ENTREP2: variants seen among roughly 807,000 people sequenced by gnomAD.
The protein encoded by ENTREP2 is protein ENTREP2.
chr15:29,235,934 G>C, the ENTREP2 span, among the ~76,000 whole-genome samples: 1 of 151,880 alleles, frequency 6.6e-6, no homozygotes, highest in African/African-American at 2.4e-5. Context: ...CTGCACTCCA[G>C]CCTGGGCGAC....
chr15:29,371,349 AACACAC>A, the ENTREP2 span, among the ~76,000 whole-genome samples: 140 of 133,978 alleles, frequency 1.0e-3, 2 homozygotes, highest in African/African-American at 2.7e-3. Flanking sequence ...CACCCCCGCA[AACACAC>A]ACACACACAC....
chr15:29,626,204 T>C, the ENTREP2 span, among the ~76,000 whole-genome samples: 8 of 152,332 alleles, frequency 5.3e-5, no homozygotes, highest in African/African-American at 1.4e-4. Flanking sequence ...TATACTCACT[T>C]AGCTCTAGGA....
chr15:29,323,339 G>A, the ENTREP2 span, among the ~76,000 whole-genome samples: 2 of 152,086 alleles, frequency 1.3e-5, no homozygotes, highest in East Asian at 1.9e-4. Context: ...ATGAAGCCTC[G>A]ATAAAAACCC....
chr15:29,374,372 T>G, the ENTREP2 span: 1 of 152,152 alleles, frequency 6.6e-6, no homozygotes, highest in Admixed American at 6.5e-5. Flanking sequence ...GTTTTTGGTT[T>G]TATTTTGTGG....
chr15:29,278,009 TATAC>T, the ENTREP2 span, among the ~76,000 whole-genome samples: 2,888 of 152,194 alleles, frequency 0.019, 119 homozygotes, highest in African/African-American at 0.066. Flanking sequence ...AGACCCCATG[TATAC>T]ATAACTGGTG....
At chr15:29,633,789 T>G in the ENTREP2 span, among the ~76,000 whole-genome samples, 2 of 151,978 alleles carry the variant, frequency 1.3e-5, no homozygotes, top group African/African-American at 4.8e-5. Context: ...GGTGAAACTG[T>G]CTCTACTAAA....
the ENTREP2 span, among the ~76,000 whole-genome samples, chr15:29,131,752 CAG>C: frequency 1.4e-4 from 19 of 140,710 alleles, no homozygotes; most frequent in Non-Finnish European, 2.8e-4. Flanking sequence ...AGTGCCACGA[CAG>C]GGGGATTCTG....
At chr15:29,253,042 T>C in the ENTREP2 span, among the ~76,000 whole-genome samples, 1 of 152,238 alleles carries the variant, frequency 6.6e-6, no homozygotes, top group Admixed American at 6.5e-5. Flanking sequence ...CCTTAAATCT[T>C]TCTAAAGGAA....
At chr15:29,630,507 G>A in the ENTREP2 span, among the ~76,000 whole-genome samples, 1 of 152,108 alleles carries the variant, frequency 6.6e-6, no homozygotes, top group Non-Finnish European at 1.5e-5. Flanking sequence ...TTGAATCTAA[G>A]TTTATGCCTT....
At chr15:29,218,335 C>CGGGGTATGAAG in the ENTREP2 span, among the ~76,000 whole-genome samples, 1 of 152,138 alleles carries the variant, frequency 6.6e-6, no homozygotes, top group African/African-American at 2.4e-5. Context: ...CCTTTGTCTT[C>CGGGGTATGAAG]ATACCCCACG....
At chr15:29,423,921 GA>G in the ENTREP2 span, among the ~76,000 whole-genome samples, 5 of 152,016 alleles carry the variant, frequency 3.3e-5, no homozygotes, top group Admixed American at 6.6e-5. Context: ...ATCTCAATGG[GA>G]AAAAAAATGA....
At chr15:29,138,631 A>T in the ENTREP2 span, among the ~76,000 whole-genome samples, 1 of 150,436 alleles carries the variant, frequency 6.6e-6, no homozygotes. Context: ...GTGTATGTGC[A>T]TGTGTATATG....
At chr15:29,618,619 A>G in the ENTREP2 span, among the ~76,000 whole-genome samples, 2 of 152,152 alleles carry the variant, frequency 1.3e-5, no homozygotes, top group Non-Finnish European at 2.9e-5. Context: ...AATTACAGAC[A>G]TGTCCTAGGT....
At chr15:29,570,495 G>A in the ENTREP2 span, 1 of 1,325,900 alleles carries the variant, frequency 7.5e-7, no homozygotes, top group Non-Finnish European at 9.7e-7. Context: ...GCCTGGTCGC[G>A]GACACTCACC....
chr15:29,318,217 G>C, the ENTREP2 span, among the ~76,000 whole-genome samples: 2 of 152,326 alleles, frequency 1.3e-5, no homozygotes, highest in South Asian at 4.1e-4. Context: ...CAAGGTGCAA[G>C]TCTATCAGCA....
chr15:29,533,467 A>G, the ENTREP2 span, among the ~76,000 whole-genome samples: 1 of 152,210 alleles, frequency 6.6e-6, no homozygotes, highest in African/African-American at 2.4e-5. Context: ...ACTCGGGGAT[A>G]AGAAATACCT....
chr15:29,512,749 A>G, the ENTREP2 span, among the ~76,000 whole-genome samples: 1 of 152,194 alleles, frequency 6.6e-6, no homozygotes, highest in Non-Finnish European at 1.5e-5. Context: ...GTGAGAAATA[A>G]ATGTCTACTG....
At chr15:29,156,859 G>A in the ENTREP2 span, among the ~76,000 whole-genome samples, 2 of 152,078 alleles carry the variant, frequency 1.3e-5, no homozygotes, top group African/African-American at 4.8e-5. Context: ...AGTGGCTCAT[G>A]CGAGGCGGGA....
chr15:29,118,630 A>C, the ENTREP2 span, among the ~76,000 whole-genome samples: 1 of 152,192 alleles, frequency 6.6e-6, no homozygotes, highest in Non-Finnish European at 1.5e-5. Context: ...CACTAATGGA[A>C]TGAGGGAGCC....
Sources: allele counts gnomAD v4.1 joint callset (sites outside exome capture counted in the v4.1 genomes callset), GRCh38; gene constraint gnomAD v4.1.1; transcripts MANE v1.5; gene names NCBI Gene and HGNC (gene_info 2026-07-23, HGNC 2026-07-21).